The following MTOR variants were observed in gnomAD, a reference collection of about 807,000 sequenced individuals.
MTOR encodes the protein serine/threonine-protein kinase mTOR.
A neutral mutation model predicts 319.8 loss-of-function variants in MTOR; 70 were observed. The ratio of observed to expected loss-of-function variants is 0.22; its 90% CI spans 0.18 to 0.27. The LOEUF (loss-of-function observed/expected upper bound fraction) is 0.27, where lower values mean the gene tolerates loss of function less well. MTOR is among the 10% of genes least tolerant of loss of function. The pLI, the probability that MTOR is intolerant of heterozygous loss-of-function variation, is 1.00. For synonymous variants in MTOR, 1,183 were observed against 1,211.4 expected, an observed-to-expected ratio of 0.98 and a Z score of 0.49; for missense variants, 1,890 against 3,274.4, an observed-to-expected ratio of 0.58 and a Z score of 10.32.
chr1:11,185,303 T>G (rs1645279238), intron 28 of MTOR, among the ~76,000 whole-genome samples: 1 of 149,856 alleles, frequency 6.7e-6, no homozygotes, highest in Non-Finnish European at 1.5e-5. Flanking sequence ...TGGCCAGGTG[T>G]GGTGGCTCAT....
chr1:11,165,788 A>T (rs1167227625), intron 29 of MTOR, among the ~76,000 whole-genome samples: 54 of 152,018 alleles, frequency 3.6e-4, no homozygotes, highest in Admixed American at 3.9e-4. Flanking sequence ...CATCGCCAAG[A>T]CAATCCTAAG....
chr1:11,204,795 A>G, intron 25 of MTOR, 92 bp from the exon 26 acceptor site: 1 of 1,373,242 alleles, frequency 7.3e-7, no homozygotes, highest in Non-Finnish European at 9.8e-7. Context: ...CTACTTTTAG[A>G]TTTATAAAAT....
intron 29 of MTOR, among the ~76,000 whole-genome samples, chr1:11,159,677 CAA>C (rs1322249707): frequency 6.6e-6 from 1 of 151,896 alleles, no homozygotes; most frequent in Non-Finnish European, 1.5e-5. Context: ...CTAAAGATGG[CAA>C]AAGATTCCCT....
intron 46 of MTOR, among the ~76,000 whole-genome samples, 156 bp downstream of exon 46, chr1:11,126,466 T>C (rs1442917348): frequency 1.3e-5 from 2 of 152,182 alleles, no homozygotes; most frequent in Non-Finnish European, 2.9e-5. Context: ...AATGAGAAAT[T>C]TGCTTGCCCT....
Position 11,128,248 on chromosome 1 carries a change from C to T in MTOR, c.5911-122G>A. The stretch of plus-strand genomic sequence containing the variant: ...TGACATTAACATCTGCTTGAGACTA[C>T]CAGGAAGGGGCTCAGTCTTCGAGGG... On this transcript the variant is annotated intron_variant, in intron 42 of 57. Transcript: ENST00000361445. The surrounding 1 kb of genome is among the most constrained non-coding windows in gnomAD (Gnocchi z 5.3). 7.1e-7 allele frequency: 1 copy of T among 1,414,458 alleles called. No homozygotes were observed. The highest frequency in any genetic ancestry group is 1.3e-5 in the South Asian group (1 of 76,452). 87.6% of individuals were successfully genotyped at this position (1,414,458 alleles called of 1,614,324 possible).
At position 11,212,905 on chromosome 1, in the gene MTOR, G is replaced by A. The variant is rs755774456; in HGVS notation, c.3289C>T (p.Leu1097=). 6.2e-7 allele frequency: 1 copy of A among 1,613,460 alleles called. No homozygotes were observed. Among genetic ancestry groups the A allele is most frequent in the African/African-American group, 1.3e-5 (1 of 75,056 alleles). ...GCGCCAAACAGCTGGATTGCAGCCA[G>A]TAACTGCAAAAGGGAGCAAAAGCAT... The part of the protein sequence containing the change: ...SPGRIVSIKL[L]AAIQLFGANL... Residue 1097 remains leucine, a synonymous_variant, in exon 22 of 58, where the codon CTG becomes TTG. Transcript: ENST00000361445. The surrounding 1 kb of genome is among the most constrained non-coding windows in gnomAD (Gnocchi z 4.1).
chr1:11,228,019 T>C (rs1646901251), intron 19 of MTOR, among the ~76,000 whole-genome samples: 1 of 152,084 alleles, frequency 6.6e-6, no homozygotes, highest in Non-Finnish European at 1.5e-5. Context: ...GTAAGAAGCA[T>C]TCAACTTCAC....
At chr1:11,192,204 C>T (rs768593216) in intron 28 of MTOR, 2 of 1,212,602 alleles carry the variant, frequency 1.6e-6, no homozygotes, top group Non-Finnish European at 2.4e-6. Context: ...GGCTCAGTCT[C>T]TAAACACTCA....
chr1:11,107,013 G>C lies in MTOR; in HGVS notation c.*472C>G. 7.3e-7 allele frequency: 1 copy of C among 1,370,982 alleles called. No homozygotes were observed. Among genetic ancestry groups the C allele is most frequent in the Non-Finnish European group, 9.6e-7 (1 of 1,039,014 alleles). 84.9% of individuals were successfully genotyped at this position (1,370,982 alleles called of 1,614,324 possible). A position where few individuals can be genotyped will look rare whatever the true frequency, so the allele number is the denominator to read the frequency against. ...TGAGGTCTTGGGATAGGTGGCAGGG[G>C]TGAGGTCAGCATCTTCTGTGTCTTT... On this transcript the variant is annotated 3_prime_UTR_variant, in exon 58 of 58. Coordinates refer to ENST00000361445, the MANE Select transcript of MTOR (RefSeq NM_004958.4).
At chr1:11,208,922 A>T (rs1374827892) in intron 25 of MTOR, among the ~76,000 whole-genome samples, 1 of 152,146 alleles carries the variant, frequency 6.6e-6, no homozygotes, top group East Asian at 1.9e-4. Context: ...TTTTTACAAG[A>T]CTCCCAGCAA....
Position 11,109,723 on chromosome 1 carries a change from A to G in MTOR, c.7373T>C (p.Leu2458Ser). ...SYSAGQSVEI[L>S]DGVELGEPAH... ...TGGCTCTCCAAGTTCCACACCGTCCAAAATTTCTATGGGAAAAGAAATCAA... is the reference window on the plus strand; with the variant it reads ...TGGCTCTCCAAGTTCCACACCGTCCGAAATTTCTATGGGAAAAGAAATCAA... Residue 2458 changes from leucine (L) to serine (S), a missense_variant, in exon 55 of 58, where the codon TTG (leucine) becomes TCG (serine). Leu to Ser is a moderately radical substitution (Grantham distance 145). Transcript: ENST00000361445. This position sits in a 1 kb window ranked among gnomAD's most constrained non-coding sequence, Gnocchi z 4.0. The G allele has an allele frequency of 6.2e-7, 1 of 1,614,132 alleles. No homozygotes were observed. Among genetic ancestry groups the G allele is most frequent in the Non-Finnish European group, 8.5e-7 (1 of 1,179,946 alleles).
Position 11,155,460 on chromosome 1 carries a change from C to T in MTOR, c.4469+1692G>A, listed in dbSNP as rs374932429. On this transcript the variant is annotated intron_variant, in intron 30 of 57. Coordinates refer to ENST00000361445, the MANE Select transcript of MTOR (RefSeq NM_004958.4). Reference sequence around the variant, plus strand: ...TCTCCCCTGCCCTTATGCCCTGAAGCAGGTCATAACATCTAGGAAAAATAT... The same window carrying T: ...TCTCCCCTGCCCTTATGCCCTGAAGTAGGTCATAACATCTAGGAAAAATAT... Among the ~76,000 whole-genome samples the T allele has an allele frequency of 1.1e-3, 170 of 152,254 alleles. 1 individual carries two copies. The highest frequency in any genetic ancestry group is 8.7e-3 in the South Asian group (42 of 4,822).
Position 11,210,824 on chromosome 1 carries a change from C to T in MTOR, c.3644G>A (p.Arg1215Lys), listed in dbSNP as rs1243901560. Residue 1215 changes from arginine (R) to lysine (K), a missense_variant, in exon 24 of 58, where the codon AGA becomes AAA. Coordinates refer to ENST00000361445, the MANE Select transcript of MTOR (RefSeq NM_004958.4). ...NHQRYDVLIC[R>K]IVKGYTLADE... ...AGAAGTATAGTTCACCTTGACAATT[C>T]TGCAGATGAGCACATCATAGCGCTG... is the stretch of plus-strand genomic sequence containing the variant. The T allele has an allele frequency of 1.9e-6, 3 of 1,610,468 alleles. No individual in the cohort carries two copies. The highest frequency in any genetic ancestry group is 1.7e-5 in the Admixed American group (1 of 59,620).
At chr1:11,202,890 A>T (rs979890843) in intron 26 of MTOR, among the ~76,000 whole-genome samples, 1 of 149,806 alleles carries the variant, frequency 6.7e-6, no homozygotes, top group African/African-American at 2.4e-5. Flanking sequence ...CCCGGGCAGC[A>T]GAGACCCTGT....
intron 28 of MTOR, among the ~76,000 whole-genome samples, chr1:11,167,975 C>T (rs1478989082): frequency 3.3e-5 from 5 of 151,382 alleles, no homozygotes; most frequent in Admixed American, 1.3e-4. Context: ...GAGGCTGACG[C>T]GGGAGAATGG....
intron 29 of MTOR, among the ~76,000 whole-genome samples, chr1:11,158,184 T>C (rs1450317005): frequency 6.6e-6 from 1 of 152,194 alleles, no homozygotes; most frequent in Non-Finnish European, 1.5e-5. Flanking sequence ...TAAATGACTA[T>C]TTTTGCACAG....
rs74216125 is a variant in MTOR at position 11,233,159 on chromosome 1, A to G, written c.2421+239T>C. On this transcript the variant is annotated intron_variant, in intron 15 of 57. Coordinates refer to ENST00000361445, the MANE Select transcript of MTOR (RefSeq NM_004958.4). Reference sequence around the variant, plus strand: ...TGGCACACACATTTATGCTGTCTGAAGGTCACAATGATATTACCATATCAA... The same window carrying G: ...TGGCACACACATTTATGCTGTCTGAGGGTCACAATGATATTACCATATCAA... The G allele has an allele frequency of 0.042, 40,986 of 972,098 alleles. 1,511 individuals carry two copies. Among genetic ancestry groups the G allele is most frequent in the South Asian group, 0.11 (8,303 of 74,008 alleles). 60.2% of individuals were successfully genotyped at this position (972,098 alleles called of 1,614,324 possible).
chr1:11,177,176 T>G (rs1298601090), intron 28 of MTOR, among the ~76,000 whole-genome samples: 1 of 151,892 alleles, frequency 6.6e-6, no homozygotes, highest in Non-Finnish European at 1.5e-5. Flanking sequence ...GCTGGGGCAT[T>G]TGGTGTACTT....
intron 32 of MTOR, 22 bp downstream of exon 32, chr1:11,146,654 C>A: frequency 1.3e-6 from 2 of 1,582,256 alleles, no homozygotes; most frequent in Non-Finnish European, 1.7e-6. Flanking sequence ...ACTGAGAGAT[C>A]TGGGTGCATG....
Sources: gnomAD v4.1 joint callset for allele counts (sites outside exome capture counted in the v4.1 genomes callset) on GRCh38, gnomAD v4.1.1 for gene constraint, Gnocchi (gnomAD v3.1) non-coding constraint, MANE v1.5 for transcripts, NCBI Gene and HGNC (gene_info 2026-07-23, HGNC 2026-07-21) for gene names.